The following TMEM248 variants were observed in gnomAD, a reference collection of about 807,000 sequenced individuals.
TMEM248 encodes the protein UPF0458 protein C7orf42.
Under a neutral mutation model 30.3 loss-of-function variants are expected in TMEM248, and 9 were observed. The observed-to-expected ratio is 0.30, with a 90% confidence interval of 0.18 to 0.52. The LOEUF is 0.52. TMEM248 is among the 20% of genes least tolerant of loss of function. The pLI, the probability that TMEM248 is intolerant of heterozygous loss-of-function variation, is 0.97. For synonymous variants in TMEM248, 184 were observed against 154.4 expected (o/e 1.19, Z -1.42); for missense variants, 338 against 403.3 (o/e 0.84, Z 1.39).
chr7:66,939,046 T>G (rs1791878953), intron 1 of TMEM248, among the ~76,000 whole-genome samples: 1 of 152,212 alleles, frequency 6.6e-6, no homozygotes, highest in Admixed American at 6.5e-5. Flanking sequence ...GATGCTTTGT[T>G]TCAGGGAGAT....
At chr7:66,952,758 G>T (rs1465315111) in intron 5 of TMEM248, among the ~76,000 whole-genome samples, 1 of 152,344 alleles carries the variant, frequency 6.6e-6, no homozygotes, top group African/African-American at 2.4e-5. Context: ...GAGGAAGGGC[G>T]TGACCCCTGG....
At chr7:66,922,182 T>C (rs1381050901) in intron 1 of TMEM248, 2 of 152,248 alleles carry the variant, frequency 1.3e-5, no homozygotes, top group Non-Finnish European at 1.5e-5. Flanking sequence ...AATGGTGAGC[T>C]TCTCTGAAGC....
At chr7:66,950,547 C>T (rs1255802538) in intron 4 of TMEM248, among the ~76,000 whole-genome samples, 1 of 152,122 alleles carries the variant, frequency 6.6e-6, no homozygotes, top group Non-Finnish European at 1.5e-5. Context: ...AGCCTGTTTC[C>T]TTTATAAATA....
chr7:66,931,297 CAAAAAAAAAAA>C (rs758131446), intron 1 of TMEM248, among the ~76,000 whole-genome samples: 8 of 64,396 alleles, frequency 1.2e-4, no homozygotes, highest in African/African-American at 4.6e-4. Context: ...GACAATATCT[CAAAAAAAAAAA>C]AAAAAAAAAA....
At position 66,941,922 on chromosome 7, in the gene TMEM248, C is replaced by T. The variant is rs764311679; in HGVS notation, c.57C>T (p.Pro19=). ...NLKVYISSRP[P]LVVFMISVSA... is the part of the protein sequence containing the mutation. ...AGGTGTACATCAGCAGTCGGCCTCC[C>T]CTGGTGGTCTTCATGATCAGCGTAA... Residue 19 remains proline, a synonymous_variant, in exon 2 of 7, where the codon CCC becomes CCT. Coordinates refer to ENST00000341567, the MANE Select transcript of TMEM248 (RefSeq NM_017994.5). The T allele has an allele frequency of 2.5e-6, 4 of 1,614,100 alleles. No homozygotes were observed. Among genetic ancestry groups the T allele is most frequent in the Admixed American group, 3.3e-5 (2 of 59,996 alleles).
At chr7:66,933,364 G>A (rs1484106013) in intron 1 of TMEM248, among the ~76,000 whole-genome samples, 1 of 152,228 alleles carries the variant, frequency 6.6e-6, no homozygotes. Context: ...CAATACTGGG[G>A]AGAAATCCTG....
In TMEM248 at chr7:66,941,914, C is replaced by T; in HGVS notation, c.49C>T (p.Arg17Trp). 2 of 1,614,070 alleles carry T rather than the reference C, an allele frequency of 1.2e-6. No individual in the cohort carries two copies. Among genetic ancestry groups the T allele is most frequent in the Middle Eastern group, 1.6e-4 (1 of 6,062 alleles). ...LENLKVYISS[R>W]PPLVVFMISV... The stretch of plus-strand genomic sequence containing the variant: ...GAACCTGAAGGTGTACATCAGCAGT[C>T]GGCCTCCCCTGGTGGTCTTCATGAT... Residue 17 changes from arginine to tryptophan, a missense_variant, in exon 2 of 7, where the codon CGG becomes TGG. Transcript: ENST00000341567.
At chr7:66,941,445 C>T (rs1019948469) in intron 1 of TMEM248, among the ~76,000 whole-genome samples, 1 of 150,844 alleles carries the variant, frequency 6.6e-6, no homozygotes, top group African/African-American at 2.4e-5. Context: ...GTCCTGGCTA[C>T]TCGGGAGGCT....
chr7:66,931,297 CAAAAAAAAAAAA>C (rs758131446), intron 1 of TMEM248, among the ~76,000 whole-genome samples: 2 of 64,392 alleles, frequency 3.1e-5, no homozygotes, highest in South Asian at 5.8e-4. Context: ...GACAATATCT[CAAAAAAAAAAAA>C]AAAAAAAAAA....
chr7:66,924,451 CTAGAG>C, intron 1 of TMEM248, among the ~76,000 whole-genome samples: 1 of 152,282 alleles, frequency 6.6e-6, no homozygotes, highest in Middle Eastern at 3.4e-3. Flanking sequence ...GTCGTCCAGG[CTAGAG>C]TACAGTGGCG....
intron 3 of TMEM248, among the ~76,000 whole-genome samples, chr7:66,946,436 C>G (rs1309941763): frequency 6.6e-6 from 1 of 151,984 alleles, no homozygotes; most frequent in African/African-American, 2.4e-5. Flanking sequence ...AAAAATTAGC[C>G]AGGCGTGGTG....
chr7:66,946,247 G>A (rs1484331700), intron 3 of TMEM248, among the ~76,000 whole-genome samples: 1 of 151,966 alleles, frequency 6.6e-6, no homozygotes, highest in Non-Finnish European at 1.5e-5. Context: ...GGGCGACAGA[G>A]CGAGACTCCA....
intron 1 of TMEM248, among the ~76,000 whole-genome samples, chr7:66,931,472 A>G (rs1285428461): frequency 1.3e-5 from 2 of 151,806 alleles, no homozygotes; most frequent in Admixed American, 1.3e-4. Flanking sequence ...ATAAAATGTT[A>G]TTAAGTTGCA....
chr7:66,933,674 AT>A (rs1791725236), intron 1 of TMEM248, among the ~76,000 whole-genome samples: 1 of 152,104 alleles, frequency 6.6e-6, no homozygotes, highest in African/African-American at 2.4e-5. Context: ...TAATCTTGGT[AT>A]TGCCTTTTGC....
In TMEM248 at chr7:66,945,189, C is replaced by T. The variant is rs760099939; in HGVS notation, c.373C>T (p.Pro125Ser). Residue 125 changes from proline to serine, a missense_variant, in exon 3 of 7, where the codon CCC (proline) becomes TCC (serine). Pro to Ser is a moderately conservative substitution (Grantham distance 74, BLOSUM62 -1). Coordinates refer to ENST00000341567, the MANE Select transcript of TMEM248 (RefSeq NM_017994.5). ...CACCCTAACCCTGGACCCACTGAAA[C>T]CCTTCGGAGGGTATTCCCGCAACGT... is the stretch of plus-strand genomic sequence containing the variant. ...SITLTLDPLKPFGGYSRNVTH... is the reference protein window; with the variant it reads ...SITLTLDPLKSFGGYSRNVTH... 2 of 1,614,162 alleles carry T rather than the reference C, an allele frequency of 1.2e-6. No individual in the cohort carries two copies. The highest frequency in any genetic ancestry group is 1.3e-5 in the African/African-American group (1 of 75,022).
chr7:66,955,079 A>T (rs924471403), intron 6 of TMEM248, among the ~76,000 whole-genome samples: 1 of 152,162 alleles, frequency 6.6e-6, no homozygotes, highest in South Asian at 2.1e-4. Flanking sequence ...CCTGGGCAAC[A>T]TAGTGAGAAC....
intron 3 of TMEM248, 80 bp downstream of exon 3, chr7:66,945,341 T>C (rs1792070547): frequency 1.4e-6 from 2 of 1,460,590 alleles, no homozygotes; most frequent in Admixed American, 3.6e-5. Flanking sequence ...ATGTTTTTAC[T>C]GACTATATTG....
At chr7:66,924,749 T>C (rs1367218471) in intron 1 of TMEM248, among the ~76,000 whole-genome samples, 2 of 151,522 alleles carry the variant, frequency 1.3e-5, no homozygotes, top group African/African-American at 4.9e-5. Flanking sequence ...CTCACCTTGT[T>C]GTCTGGGCTG....
Position 66,942,903 on chromosome 7 carries a change from C to T in TMEM248, c.159+879C>T, listed in dbSNP as rs558499675. Among the ~76,000 whole-genome samples, 102 of 150,896 alleles carry T rather than the reference C, an allele frequency of 6.8e-4. 1 individual carries two copies. The highest frequency in any genetic ancestry group is 2.4e-3 in the African/African-American group (99 of 41,066). On this transcript the variant is annotated intron_variant, in intron 2 of 6. Transcript: ENST00000341567. The stretch of plus-strand genomic sequence containing the variant: ...GGGGGTGGGAGTGGGGCTGGGAGTG[C>T]GTGGTTGCCGCATTGAGTGTGCCTT...
Sources: gnomAD v4.1 joint callset for allele counts (sites outside exome capture counted in the v4.1 genomes callset) on GRCh38, gnomAD v4.1.1 for gene constraint, MANE v1.5 for transcripts, NCBI Gene and HGNC (gene_info 2026-07-23, HGNC 2026-07-21) for gene names.